The following APBB1IP variants were observed in gnomAD, a reference collection of about 807,000 sequenced individuals.
The protein encoded by APBB1IP is amyloid beta A4 precursor protein-binding family B member 1-interacting protein.
In APBB1IP, 27 loss-of-function variants were observed where a neutral mutation model predicts 64.9. The ratio of observed to expected loss-of-function variants is 0.42; its 90% CI spans 0.31 to 0.57. APBB1IP has a LOEUF of 0.57. Ranked by LOEUF, APBB1IP falls within the 20% of genes least tolerant of loss-of-function variation. The probability of loss-of-function intolerance (pLI) is 0.20; values close to 1 mark genes in which losing one functional copy is unlikely to be tolerated. For synonymous variants in APBB1IP, 392 were observed against 331.0 expected (o/e 1.18, Z -2.00); for missense variants, 812 against 845.5 (o/e 0.96, Z 0.49).
Position 26,472,823 on chromosome 10 carries a change from G to C in APBB1IP, c.1-19504G>C, listed in dbSNP as rs1036955901. Among the ~76,000 whole-genome samples the C allele has an allele frequency of 6.6e-5, 10 of 152,236 alleles. 1 individual carries two copies. Among genetic ancestry groups the C allele is most frequent in the Admixed American group, 6.5e-4 (10 of 15,294 alleles). ...ATGGTGCCACACTTCTGTAGTCCCAGCTACTCAGGAGGGTGAGGCAGGAGA... is the reference window on the plus strand; with the variant it reads ...ATGGTGCCACACTTCTGTAGTCCCACCTACTCAGGAGGGTGAGGCAGGAGA... On this transcript the variant is annotated intron_variant, in intron 2 of 14. Transcript: ENST00000376236.
chr10:26,453,677 G>C (rs1030821523), intron 2 of APBB1IP, among the ~76,000 whole-genome samples: 6 of 152,100 alleles, frequency 3.9e-5, no homozygotes, highest in Admixed American at 3.3e-4. Context: ...CCTGAAAAAG[G>C]CCTCAAGGGA....
At chr10:26,465,430 A>G (rs1835637506) in intron 2 of APBB1IP, among the ~76,000 whole-genome samples, 1 of 152,186 alleles carries the variant, frequency 6.6e-6, no homozygotes. Flanking sequence ...TCATTATGGC[A>G]AAAGAAAATA....
chr10:26,558,664 C>T (rs956133245), intron 11 of APBB1IP, among the ~76,000 whole-genome samples: 18 of 150,406 alleles, frequency 1.2e-4, no homozygotes, highest in Admixed American at 4.6e-4. Context: ...GTGGTCCCAG[C>T]GACAGAGGAG....
intron 5 of APBB1IP, among the ~76,000 whole-genome samples, chr10:26,502,515 G>A (rs536591335): frequency 5.3e-5 from 8 of 151,982 alleles, no homozygotes; most frequent in Non-Finnish European, 1.0e-4. Flanking sequence ...GGTGGCAGGC[G>A]CCTGTAGTCC....
intron 6 of APBB1IP, among the ~76,000 whole-genome samples, chr10:26,510,820 C>A (rs2132445296): frequency 6.6e-6 from 1 of 151,996 alleles, no homozygotes; most frequent in Non-Finnish European, 1.5e-5. Context: ...CAGCTTATTT[C>A]TCAGTCTACA....
intron 2 of APBB1IP, among the ~76,000 whole-genome samples, chr10:26,472,940 C>A (rs786872): frequency 0.19 from 28,050 of 149,556 alleles, 3,086 homozygotes; most frequent in African/African-American, 0.3. Flanking sequence ...TCATCAAAAA[C>A]AAAAAGAAAA....
chr10:26,510,249 T>A (rs765375081), intron 6 of APBB1IP, among the ~76,000 whole-genome samples: 2 of 152,194 alleles, frequency 1.3e-5, no homozygotes, highest in African/African-American at 2.4e-5. Flanking sequence ...ATAACAGGCG[T>A]GAGCCACCAT....
At chr10:26,528,495 T>C (rs1379262409) in intron 8 of APBB1IP, among the ~76,000 whole-genome samples, 1 of 152,212 alleles carries the variant, frequency 6.6e-6, no homozygotes, top group Non-Finnish European at 1.5e-5. Context: ...TAGTAATTTC[T>C]TCCTTCCTGA....
At chr10:26,540,518 T>A (rs1368451118) in intron 10 of APBB1IP, among the ~76,000 whole-genome samples, 1 of 151,784 alleles carries the variant, frequency 6.6e-6, no homozygotes, top group Admixed American at 6.6e-5. Context: ...ATATATATAT[T>A]TTAAATGTGA....
At chr10:26,481,506 A>G (rs1835833810) in intron 2 of APBB1IP, among the ~76,000 whole-genome samples, 1 of 151,932 alleles carries the variant, frequency 6.6e-6, no homozygotes, top group African/African-American at 2.4e-5. Flanking sequence ...AATTTTAGAG[A>G]CAGGGTCACA....
At chr10:26,554,339 A>G (rs1836867968) in intron 11 of APBB1IP, among the ~76,000 whole-genome samples, 1 of 152,216 alleles carries the variant, frequency 6.6e-6, no homozygotes, top group South Asian at 2.1e-4. Flanking sequence ...AATCAAAACC[A>G]GAGTTGTGTT....
At chr10:26,497,184 TA>T (rs2132434394) in intron 4 of APBB1IP, among the ~76,000 whole-genome samples, 1 of 149,010 alleles carries the variant, frequency 6.7e-6, no homozygotes, top group South Asian at 2.1e-4. Context: ...CTCAAGAAAA[TA>T]AAAAACAAAA....
chr10:26,563,108 T>C lies in APBB1IP; in HGVS notation c.1473+679T>C, dbSNP rs1836994732. 3.3e-5 allele frequency among the ~76,000 whole-genome samples: 5 copies of C among 152,298 alleles called. No individual in the cohort carries two copies. The South Asian group carries it at 1.0e-3, about 32-fold the overall frequency. ...TGGGATTTTACTTGCCTTTTTTGAA[T>C]AAAATAGGGCAACTAGTAGTCTGAA... On this transcript the variant is annotated intron_variant, in intron 14 of 14. Transcript: ENST00000376236.
chr10:26,553,095 C>T (rs558368654), intron 11 of APBB1IP, among the ~76,000 whole-genome samples: 2 of 152,168 alleles, frequency 1.3e-5, no homozygotes, highest in East Asian at 3.9e-4. Flanking sequence ...GATCTCAGCT[C>T]ACTGCAACCT....
intron 2 of APBB1IP, among the ~76,000 whole-genome samples, chr10:26,468,099 C>T (rs1835669435): frequency 6.6e-6 from 1 of 152,068 alleles, no homozygotes; most frequent in South Asian, 2.1e-4. Context: ...CTAAGTTTCC[C>T]AACATCCACA....
At chr10:26,482,892 C>A (rs1835851560) in intron 2 of APBB1IP, among the ~76,000 whole-genome samples, 2 of 148,284 alleles carry the variant, frequency 1.3e-5, no homozygotes, top group South Asian at 4.3e-4. Flanking sequence ...TTGAGACCAG[C>A]CTGGCCAACA....
At chr10:26,462,115 A>G (rs1055704946) in intron 2 of APBB1IP, among the ~76,000 whole-genome samples, 9 of 152,226 alleles carry the variant, frequency 5.9e-5, no homozygotes, top group Admixed American at 2.6e-4. Context: ...TAGTGTCTAC[A>G]ACAGCAGACT....
chr10:26,470,772 T>A (rs1835707061), intron 2 of APBB1IP, among the ~76,000 whole-genome samples: 1 of 152,194 alleles, frequency 6.6e-6, no homozygotes. Flanking sequence ...GTCAACGTCC[T>A]GCTTCTATCC....
intron 5 of APBB1IP, 104 bp from the exon 6 acceptor site, chr10:26,503,093 C>G (rs1435706003): frequency 1.9e-6 from 2 of 1,048,466 alleles, no homozygotes; most frequent in Non-Finnish European, 2.8e-6. Flanking sequence ...AAATTTGGTA[C>G]CTTTTGTTAA....
Sources: allele counts gnomAD v4.1 joint callset (sites outside exome capture counted in the v4.1 genomes callset), GRCh38; gene constraint gnomAD v4.1.1; transcripts MANE v1.5; gene names NCBI Gene and HGNC (gene_info 2026-07-23, HGNC 2026-07-21).